Variants in EXOC6B observed in about 807,000 individuals in gnomAD.
EXOC6B encodes the protein exocyst complex component 6B.
EXOC6B carries 54 observed loss-of-function variants against 113.5 expected under a neutral mutation model. The ratio of observed to expected loss-of-function variants is 0.48; its 90% CI spans 0.38 to 0.60. The LOEUF is 0.60. Ranked by LOEUF, EXOC6B falls within the 20% of genes least tolerant of loss-of-function variation. The probability of loss-of-function intolerance (pLI) is 0.00; values close to 1 mark genes in which losing one functional copy is unlikely to be tolerated. For missense variants in EXOC6B, 797 were observed against 977.5 expected (o/e 0.82, Z 2.46); for synonymous variants, 357 against 339.0 (o/e 1.05, Z -0.58).
intron 1 of EXOC6B, among the ~76,000 whole-genome samples, chr2:72,813,748 C>T (rs956521546): frequency 6.6e-6 from 1 of 152,206 alleles, no homozygotes; most frequent in Non-Finnish European, 1.5e-5. Context: ...GATAAGACCA[C>T]ATTTCATATC....
At chr2:72,422,987 C>A (rs540801829) in intron 18 of EXOC6B, among the ~76,000 whole-genome samples, 2 of 152,118 alleles carry the variant, frequency 1.3e-5, no homozygotes, top group Admixed American at 6.5e-5. Context: ...GCAACCTGCT[C>A]GGGTCCCCTT....
intron 20 of EXOC6B, chr2:72,288,687 GA>G (rs11318958): frequency 0.34 from 50,944 of 150,522 alleles, 10,491 homozygotes; most frequent in African/African-American, 0.59. Context: ...CAATCTGATA[GA>G]AATATATATA....
chr2:72,741,249 C>T, intron 2 of EXOC6B, 55 bp downstream of exon 2: 1 of 1,525,950 alleles, frequency 6.6e-7, no homozygotes. Flanking sequence ...TCCTTTAATC[C>T]TAATCAAAAC....
chr2:72,341,870 C>CCCTA (rs1689049251), intron 19 of EXOC6B, among the ~76,000 whole-genome samples: 1 of 152,032 alleles, frequency 6.6e-6, no homozygotes, highest in Non-Finnish European at 1.5e-5. Flanking sequence ...ACAAATTTAA[C>CCCTA]ATGATTGTAA....
intron 13 of EXOC6B, among the ~76,000 whole-genome samples, chr2:72,497,592 G>A (rs1477447086): frequency 6.6e-6 from 1 of 152,016 alleles, no homozygotes; most frequent in Non-Finnish European, 1.5e-5. Flanking sequence ...TATACCATTA[G>A]CTAAATCTAG....
chr2:72,496,611 G>T, intron 13 of EXOC6B, 52 bp from the exon 14 acceptor site: 1 of 1,105,466 alleles, frequency 9.0e-7, no homozygotes, highest in Non-Finnish European at 1.4e-6. Flanking sequence ...AAAGTGGGGG[G>T]GTAGGGGAGG....
intron 18 of EXOC6B, among the ~76,000 whole-genome samples, chr2:72,456,613 C>T (rs1360297769): frequency 3.3e-5 from 5 of 152,066 alleles, no homozygotes; most frequent in African/African-American, 1.2e-4. Context: ...CACCTATTTG[C>T]TGTATCCCTT....
chr2:72,620,119 A>G (rs1230629124), intron 6 of EXOC6B, among the ~76,000 whole-genome samples: 1 of 152,178 alleles, frequency 6.6e-6, no homozygotes, highest in Non-Finnish European at 1.5e-5. Flanking sequence ...TGGCCTCACT[A>G]TCTTCTGGGT....
chr2:72,685,791 A>G (rs1270974155), intron 6 of EXOC6B, among the ~76,000 whole-genome samples: 3 of 152,234 alleles, frequency 2.0e-5, no homozygotes, highest in African/African-American at 7.2e-5. Flanking sequence ...CAATGCCTAA[A>G]AGGCATTTCA....
rs145495797 is a variant in EXOC6B at position 72,272,000 on chromosome 2, T to C, written c.2196+62947A>G. 1.3e-3 allele frequency among the ~76,000 whole-genome samples: 199 copies of C among 152,292 alleles called. 1 individual carries two copies. The highest frequency in any genetic ancestry group is 4.5e-3 in the African/African-American group (189 of 41,552). On this transcript the variant is annotated intron_variant, in intron 20 of 21. Coordinates refer to ENST00000272427, the MANE Select transcript of EXOC6B (RefSeq NM_015189.3). ...CACTTACGTACATGCTGATATAGTTTATGGTCTGTACCTCAATAGCATTAT... is the reference window on the plus strand; with the variant it reads ...CACTTACGTACATGCTGATATAGTTCATGGTCTGTACCTCAATAGCATTAT...
At chr2:72,388,250 T>C (rs1172053106) in intron 18 of EXOC6B, among the ~76,000 whole-genome samples, 2 of 152,222 alleles carry the variant, frequency 1.3e-5, no homozygotes, top group Non-Finnish European at 2.9e-5. Flanking sequence ...AGTGTTTTCA[T>C]TTTTCTTCAG....
At chr2:72,273,201 G>A (rs1684599243) in intron 20 of EXOC6B, among the ~76,000 whole-genome samples, 1 of 152,114 alleles carries the variant, frequency 6.6e-6, no homozygotes, top group East Asian at 1.9e-4. Context: ...CAAAAAGCAG[G>A]ACATATATCA....
chr2:72,736,185 CA>C (rs1166165745), intron 2 of EXOC6B, among the ~76,000 whole-genome samples: 1 of 142,658 alleles, frequency 7.0e-6, no homozygotes, highest in African/African-American at 2.7e-5. Context: ...CACTCTGTCT[CA>C]AAAAATTAAA....
chr2:72,368,344 A>G (rs1373942254), intron 19 of EXOC6B, among the ~76,000 whole-genome samples: 1 of 152,168 alleles, frequency 6.6e-6, no homozygotes, highest in African/African-American at 2.4e-5. Context: ...TAGACCAATA[A>G]CAGGCTCTGA....
At chr2:72,652,554 A>T (rs1410867086) in intron 6 of EXOC6B, among the ~76,000 whole-genome samples, 2 of 151,842 alleles carry the variant, frequency 1.3e-5, no homozygotes, top group East Asian at 3.9e-4. Context: ...TTCTCAATAG[A>T]TGAAGAATAA....
intron 19 of EXOC6B, among the ~76,000 whole-genome samples, chr2:72,372,399 T>C (rs1051073152): frequency 6.6e-6 from 1 of 152,144 alleles, no homozygotes; most frequent in Non-Finnish European, 1.5e-5. Context: ...GGAGAAATCA[T>C]ATTACCTAAC....
rs1686987798 is a variant in EXOC6B at position 72,308,003 on chromosome 2, T to A, written c.2196+26944A>T. On this transcript the variant is annotated intron_variant, in intron 20 of 21. Transcript: ENST00000272427. Reference sequence around the variant, plus strand: ...ATCGCAAAGACATAGTTATACTGACTTTCAGAGTTCATTGTTGAAAATTCA... The same window carrying A: ...ATCGCAAAGACATAGTTATACTGACATTCAGAGTTCATTGTTGAAAATTCA... Among the ~76,000 whole-genome samples the A allele has an allele frequency of 2.0e-5, 3 of 152,230 alleles. No homozygotes were observed. The South Asian group carries it at 6.2e-4, about 32-fold the overall frequency.
intron 8 of EXOC6B, among the ~76,000 whole-genome samples, chr2:72,556,976 C>T (rs1210639010): frequency 2.0e-5 from 3 of 149,946 alleles, no homozygotes; most frequent in African/African-American, 4.9e-5. Flanking sequence ...ACAAGAAACC[C>T]GATTAAAAAA....
At chr2:72,717,954 A>G in intron 6 of EXOC6B, 149 bp downstream of exon 6, 1 of 565,362 alleles carries the variant, frequency 1.8e-6, no homozygotes, top group East Asian at 2.9e-5. Context: ...AAACATTTTT[A>G]ATCATATGTT....
Sources: allele counts gnomAD v4.1 joint callset (sites outside exome capture counted in the v4.1 genomes callset), GRCh38; gene constraint gnomAD v4.1.1; transcripts MANE v1.5; gene names NCBI Gene and HGNC (gene_info 2026-07-23, HGNC 2026-07-21).